Variants in PDZRN4 observed in about 807,000 individuals in gnomAD.
PDZRN4 encodes the protein PDZ domain containing ring finger 4.
In PDZRN4, 70 loss-of-function variants were observed where a neutral mutation model predicts 99.0. The ratio of observed to expected loss-of-function variants is 0.71; its 90% CI spans 0.58 to 0.86. The LOEUF (loss-of-function observed/expected upper bound fraction) is 0.86, where lower values mean the gene tolerates loss of function less well. Ranked by LOEUF, PDZRN4 falls within the 40% of genes least tolerant of loss-of-function variation. The probability of loss-of-function intolerance (pLI) is 0.00; values close to 1 mark genes in which losing one functional copy is unlikely to be tolerated. For synonymous variants in PDZRN4, 551 were observed against 501.6 expected, an observed-to-expected ratio of 1.10 and a Z score of -1.32; for missense variants, 1,474 against 1,331.2, an observed-to-expected ratio of 1.11 and a Z score of -1.67.
chr12:41,210,905 C>T (rs569002613), intron 3 of PDZRN4, among the ~76,000 whole-genome samples: 2 of 152,024 alleles, frequency 1.3e-5, no homozygotes, highest in African/African-American at 4.8e-5. Context: ...AGAGTTAACT[C>T]ATTTTTATTC....
At chr12:41,564,631 C>T (rs866295585) in intron 8 of PDZRN4, among the ~76,000 whole-genome samples, 39 of 152,190 alleles carry the variant, frequency 2.6e-4, no homozygotes, top group African/African-American at 8.2e-4. Flanking sequence ...GCATATATTT[C>T]GTTTATGCCC....
At chr12:41,343,204 T>A (rs532241807) in intron 3 of PDZRN4, among the ~76,000 whole-genome samples, 3 of 151,938 alleles carry the variant, frequency 2.0e-5, no homozygotes, top group Non-Finnish European at 4.4e-5. Flanking sequence ...AATTTATCCA[T>A]TTCCTCTAGA....
chr12:41,530,447 AT>A (rs1274397002), intron 5 of PDZRN4, among the ~76,000 whole-genome samples: 1 of 152,164 alleles, frequency 6.6e-6, no homozygotes, highest in Non-Finnish European at 1.5e-5. Context: ...CCAAGTTGTA[AT>A]GTGTAGCTGG....
At chr12:41,506,361 C>T (rs187753297) in intron 3 of PDZRN4, 95 bp from the exon 4 acceptor site, 153 of 1,131,674 alleles carry the variant, frequency 1.4e-4, no homozygotes, top group Admixed American at 5.9e-4. Flanking sequence ...CATATCAGGG[C>T]TGGTTGAAAC....
intron 5 of PDZRN4, among the ~76,000 whole-genome samples, chr12:41,550,357 T>C (rs1939031513): frequency 6.6e-6 from 1 of 152,186 alleles, no homozygotes; most frequent in East Asian, 1.9e-4. Context: ...GTAGTTTTCC[T>C]TATTGGCCTC....
intron 5 of PDZRN4, among the ~76,000 whole-genome samples, chr12:41,512,669 A>G (rs1475521868): frequency 1.3e-5 from 2 of 152,060 alleles, no homozygotes; most frequent in East Asian, 3.9e-4. Context: ...AAGCCATAAC[A>G]GGATTACTCC....
chr12:41,200,805 C>A (rs1367919233), intron 3 of PDZRN4, among the ~76,000 whole-genome samples: 1 of 152,000 alleles, frequency 6.6e-6, no homozygotes, highest in East Asian at 1.9e-4. Context: ...TTCTGTCTTT[C>A]TTATTCCCCT....
chr12:41,515,753 T>C (rs1938390313), intron 5 of PDZRN4, among the ~76,000 whole-genome samples: 1 of 152,040 alleles, frequency 6.6e-6, no homozygotes, highest in Non-Finnish European at 1.5e-5. Context: ...ACCTTTAGGC[T>C]AGTTTTTGGT....
At chr12:41,306,326 G>C (rs1248064011) in intron 3 of PDZRN4, among the ~76,000 whole-genome samples, 1 of 152,212 alleles carries the variant, frequency 6.6e-6, no homozygotes, top group Non-Finnish European at 1.5e-5. Flanking sequence ...TGTTGAAACT[G>C]AGGTAGTGGC....
At position 41,188,890 on chromosome 12, in the gene PDZRN4, G is replaced by T. The variant is rs1258117025; in HGVS notation, c.435G>T (p.Ala145=). The T allele has an allele frequency of 1.4e-5, 15 of 1,097,332 alleles. No individual in the cohort carries two copies. In the African/African-American group the frequency reaches 2.2e-4, roughly 16 times the overall value. 68.0% of individuals were successfully genotyped at this position (1,097,332 alleles called of 1,614,324 possible). The change falls in exon 1 of 10, where the codon GCG becomes GCT. Residue 145 remains alanine (A), a synonymous_variant. Transcript: ENST00000402685. The stretch of plus-strand genomic sequence containing the variant: ...CCAGGGCTGGCCGGGGCGGGGGCGC[G>T]CGCGGGGGGCCGCCGGGCGGCCGCT... ...PTPRAGRGGG[A]RGGPPGGRWG...
intron 3 of PDZRN4, among the ~76,000 whole-genome samples, chr12:41,339,126 C>CAAAA (rs35203434): frequency 7.0e-6 from 1 of 143,510 alleles, no homozygotes; most frequent in African/African-American, 2.6e-5. Flanking sequence ...TCATTCCGAG[C>CAAAA]AAAAAAAAAA....
chr12:41,463,302 C>T (rs1592069667), intron 3 of PDZRN4, among the ~76,000 whole-genome samples: 2 of 152,258 alleles, frequency 1.3e-5, no homozygotes, highest in South Asian at 4.1e-4. Flanking sequence ...TTCAGGGATG[C>T]CTACCCAGCC....
chr12:41,209,627 G>A (rs561997028), intron 3 of PDZRN4, among the ~76,000 whole-genome samples: 313 of 151,042 alleles, frequency 2.1e-3, no homozygotes, highest in African/African-American at 7.1e-3. Context: ...ATAGTTTGCT[G>A]AGAATGATGG....
intron 5 of PDZRN4, among the ~76,000 whole-genome samples, chr12:41,531,718 CG>C (rs1439731074): frequency 6.6e-6 from 1 of 152,152 alleles, no homozygotes; most frequent in African/African-American, 2.4e-5. Flanking sequence ...ACAGCACTTC[CG>C]CATCACTTCA....
rs200590034 is a variant in PDZRN4, at chr12:41,312,266, G to GAA, written c.843+118088_843+118089dup. On this transcript the variant is annotated intron_variant, in intron 3 of 9. Coordinates refer to ENST00000402685, the MANE Select transcript of PDZRN4 (RefSeq NM_001164595.2). ...TTTGCCAAACTGCTTTTATGGGGAA[G>GAA]AAAAAAAAAAACACACATACACATT... Among the ~76,000 whole-genome samples the GAA allele has an allele frequency of 6.3e-5, 9 of 143,694 alleles. No individual in the cohort carries two copies. The East Asian group carries it at 1.2e-3, about 19-fold the overall frequency. 94.3% of individuals were successfully genotyped at this position (143,694 alleles called of 152,430 possible).
chr12:41,317,862 GCTTC>G (rs1468127303), intron 3 of PDZRN4, among the ~76,000 whole-genome samples: 10 of 151,910 alleles, frequency 6.6e-5, no homozygotes, highest in Admixed American at 5.9e-4. Flanking sequence ...ATTTTCAATC[GCTTC>G]CTATTTTTAA....
chr12:41,337,309 G>A (rs113385031), intron 3 of PDZRN4, among the ~76,000 whole-genome samples: 3,337 of 152,086 alleles, frequency 0.022, 56 homozygotes, highest in Middle Eastern at 0.065. Context: ...TTCTCCACTC[G>A]AGAAATGGGA....
At chr12:41,383,531 G>A (rs1329356493) in intron 3 of PDZRN4, among the ~76,000 whole-genome samples, 1 of 152,172 alleles carries the variant, frequency 6.6e-6, no homozygotes, top group African/African-American at 2.4e-5. Flanking sequence ...AAGAACTTCA[G>A]AGCCCAGAAG....
At chr12:41,523,594 A>G (rs1274531730) in intron 5 of PDZRN4, among the ~76,000 whole-genome samples, 2 of 152,138 alleles carry the variant, frequency 1.3e-5, no homozygotes, top group East Asian at 1.9e-4. Flanking sequence ...GGGCAACAAC[A>G]TGGTGCCACT....
Sources: gnomAD v4.1 joint callset for allele counts (sites outside exome capture counted in the v4.1 genomes callset) on GRCh38, gnomAD v4.1.1 for gene constraint, MANE v1.5 for transcripts, NCBI Gene and HGNC (gene_info 2026-07-23, HGNC 2026-07-21) for gene names.